LRRFIP1: variants seen among roughly 807,000 people sequenced by gnomAD.
LRRFIP1 encodes LRR binding FLII interacting protein 1.
LRRFIP1 carries 62 observed loss-of-function variants against 104.4 expected under a neutral mutation model. The ratio of observed to expected loss-of-function variants is 0.59; its 90% CI spans 0.48 to 0.73. LRRFIP1 has a LOEUF of 0.73. Ranked by LOEUF, LRRFIP1 falls within the 30% of genes least tolerant of loss-of-function variation. The pLI is 0.00. For missense variants in LRRFIP1, 796 were observed against 824.5 expected (o/e 0.97, Z 0.42); for synonymous variants, 300 against 299.0 (o/e 1.00, Z -0.03).
intron 2 of LRRFIP1, among the ~76,000 whole-genome samples, chr2:237,710,014 G>A (rs2093994505): frequency 2.0e-5 from 3 of 151,784 alleles, no homozygotes; most frequent in Admixed American, 2.0e-4. Context: ...CACCATGCCT[G>A]GCTAATTTTT....
At chr2:237,768,080 G>A (rs1005563113) in intron 19 of LRRFIP1, 6 of 152,164 alleles carry the variant, frequency 3.9e-5, no homozygotes, top group Admixed American at 2.0e-4. Flanking sequence ...TAAGTCTACC[G>A]GTGATGTGCC....
rs1241700455 is a variant in LRRFIP1 at position 237,772,942 on chromosome 2, A to G, written c.1704A>G (p.Gln568=). The G allele has an allele frequency of 2.5e-6, 4 of 1,611,510 alleles. No individual in the cohort carries two copies. Among genetic ancestry groups the G allele is most frequent in the East Asian group, 2.2e-5 (1 of 44,898 alleles). Residue 568 remains glutamine (Q), a synonymous_variant, in exon 22 of 24, where the codon CAA becomes CAG. Coordinates refer to ENST00000308482, the MANE Select transcript of LRRFIP1 (RefSeq NM_001137550.2). Reference sequence around the variant, plus strand: ...AGCAAGAGATAACTGCATTAGAACAAAATGTACGTGTAAGCAACAACGGGC... The same window carrying G: ...AGCAAGAGATAACTGCATTAGAACAGAATGTACGTGTAAGCAACAACGGGC... ...KSEQEITALE[Q]NVIRLESQVS...
At chr2:237,700,529 C>T (rs574097056) in intron 1 of LRRFIP1, among the ~76,000 whole-genome samples, 2 of 152,314 alleles carry the variant, frequency 1.3e-5, no homozygotes, top group East Asian at 3.9e-4. Context: ...ACGCTAAAAC[C>T]TGGAGGCGAA....
intron 19 of LRRFIP1, chr2:237,764,450 G>T: frequency 1.6e-6 from 2 of 1,229,654 alleles, no homozygotes; most frequent in Non-Finnish European, 2.0e-6. Context: ...TTTACTATTT[G>T]CCTTAGGCTG....
intron 1 of LRRFIP1, among the ~76,000 whole-genome samples, chr2:237,646,371 C>A (rs1025555433): frequency 1.3e-5 from 2 of 151,830 alleles, no homozygotes; most frequent in Admixed American, 6.6e-5. Flanking sequence ...GGTATTAAGC[C>A]CAGCATCCAT....
rs763208775 is a variant in LRRFIP1, at chr2:237,760,160, AAAG to A, written c.1419_1421del (p.Glu474del). On this transcript the variant is annotated inframe_deletion, in exon 19 of 24. Transcript: ENST00000308482. The stretch of plus-strand genomic sequence containing the variant: ...ATACCAAGGTCCTACCAAGATGACA[AAAG>A]AAGAGTTAAATGCCCTCAAGTCGAC... The A allele has an allele frequency of 1.2e-6, 2 of 1,614,136 alleles. No homozygotes were observed. Among genetic ancestry groups the A allele is most frequent in the Non-Finnish European group, 1.7e-6 (2 of 1,180,012 alleles).
At chr2:237,692,643 G>A in intron 1 of LRRFIP1, 1 of 1,274,450 alleles carries the variant, frequency 7.8e-7, no homozygotes, top group Non-Finnish European at 1.0e-6. Context: ...GGGCTCTGGC[G>A]GGACCCCAGC....
At position 237,774,378 on chromosome 2, in the gene LRRFIP1, A is replaced by C. The variant is rs763154992; in HGVS notation, c.1728A>C (p.Gln576His). ...LEQNVIRLESQVSRYKSAAEN... is the reference protein window; with the variant it reads ...LEQNVIRLESHVSRYKSAAEN... ...TTTAGGTAATAAGGTTAGAGAGTCA[A>C]GTATCACGTTACAAATCAGCGGCTG... Residue 576 changes from glutamine (Q) to histidine (H), a missense_variant, in exon 23 of 24, where the codon CAA (glutamine) becomes CAC (histidine). By Grantham distance (24) the Gln-to-His change is conservative. Transcript: ENST00000308482. 8 of 1,612,976 alleles carry C rather than the reference A, an allele frequency of 5.0e-6. No individual in the cohort carries two copies. Among genetic ancestry groups the C allele is most frequent in the Non-Finnish European group, 6.8e-6 (8 of 1,179,026 alleles).
chr2:237,775,210 A>T (rs1209734853), intron 23 of LRRFIP1, among the ~76,000 whole-genome samples: 4 of 152,234 alleles, frequency 2.6e-5, no homozygotes, highest in Admixed American at 1.3e-4. Context: ...TAGGTGGCCA[A>T]GGAAGACTTT....
Position 237,762,478 on chromosome 2 carries a change from C to T in LRRFIP1, c.1459+2273C>T, listed in dbSNP as rs1204555718. 4 of 789,668 alleles carry T rather than the reference C, an allele frequency of 5.1e-6. No individual in the cohort carries two copies. In the East Asian group the frequency reaches 1.1e-4, roughly 21 times the overall value. The allele number at this position is 789,668 out of a possible 1,614,324, so 48.9% of individuals were successfully genotyped here. A position where few individuals can be genotyped will look rare whatever the true frequency, so the allele number is the denominator to read the frequency against. ...ACTGGCAAAGGCTTGTTTCTCATGA[C>T]TCTTTGATGACTCTGTCTTTAGGAA... On this transcript the variant is annotated intron_variant, in intron 19 of 23. Coordinates refer to ENST00000308482, the MANE Select transcript of LRRFIP1 (RefSeq NM_001137550.2).
chr2:237,692,652 G>A, intron 1 of LRRFIP1: 2 of 1,236,278 alleles, frequency 1.6e-6, no homozygotes, highest in South Asian at 4.3e-5. Flanking sequence ...CGGGACCCCA[G>A]CGCGGTGGGA....
rs2089465668 is a variant in LRRFIP1 at position 237,666,920 on chromosome 2, C to CTTTCTTTCTTTCTTTCTTTCTT, written c.96+39182_96+39203dup. Reference sequence around the variant, plus strand: ...TTTTCCCTCCCTGCCTTCCTGCTTTCTTTCTTTCTTTCTTTCTTTCTTTCT... The same window carrying CTTTCTTTCTTTCTTTCTTTCTT: ...TTTTCCCTCCCTGCCTTCCTGCTTTCTTTCTTTCTTTCTTTCTTTCTTTTTCTTTCTTTCTTTCTTTCTTTCT... On this transcript the variant is annotated intron_variant, in intron 1 of 23. Transcript: ENST00000308482. 1.5e-3 allele frequency among the ~76,000 whole-genome samples: 7 copies of CTTTCTTTCTTTCTTTCTTTCTT among 4,660 alleles called. No individual in the cohort carries two copies. In the South Asian group the frequency reaches 0.028, roughly 19 times the overall value. 3.1% of individuals were successfully genotyped at this position (4,660 alleles called of 152,430 possible). A position where few individuals can be genotyped will look rare whatever the true frequency, so the allele number is the denominator to read the frequency against.
intron 19 of LRRFIP1, chr2:237,765,113 A>C (rs1205182116): frequency 5.6e-6 from 2 of 358,142 alleles, no homozygotes; most frequent in Non-Finnish European, 7.8e-6. Context: ...AATACAAAAA[A>C]TTGGCCGGGC....
At chr2:237,693,550 C>A (rs1459056465) in intron 1 of LRRFIP1, among the ~76,000 whole-genome samples, 1 of 152,148 alleles carries the variant, frequency 6.6e-6, no homozygotes, top group African/African-American at 2.4e-5. Flanking sequence ...TGGGCCAGCC[C>A]TCTGGAGCCG....
intron 11 of LRRFIP1, among the ~76,000 whole-genome samples, chr2:237,739,905 A>G (rs1031685441): frequency 2.0e-5 from 3 of 152,060 alleles, no homozygotes; most frequent in Admixed American, 6.6e-5. Flanking sequence ...AGGCGACCCT[A>G]TGACTCTTTT....
intron 23 of LRRFIP1, among the ~76,000 whole-genome samples, chr2:237,777,892 T>C (rs986254345): frequency 6.6e-6 from 1 of 152,178 alleles, no homozygotes; most frequent in Non-Finnish European, 1.5e-5. Flanking sequence ...TCCTTACCTC[T>C]CTCTATTGGA....
At position 237,735,410 on chromosome 2, in the gene LRRFIP1, G is replaced by T; in HGVS notation, c.555+77G>T. 7.2e-7 allele frequency: 1 copy of T among 1,379,326 alleles called. No homozygotes were observed. Among genetic ancestry groups the T allele is most frequent in the Non-Finnish European group, 9.8e-7 (1 of 1,016,110 alleles). 85.4% of individuals were successfully genotyped at this position (1,379,326 alleles called of 1,614,324 possible). A position where few individuals can be genotyped will look rare whatever the true frequency, so the allele number is the denominator to read the frequency against. ...GGGGATGCTCGCTGGGCAGGGTCCA[G>T]CCGTGGGGGGTGACTGGCCATTCTC... On this transcript the variant is annotated intron_variant, in intron 10 of 23. Transcript: ENST00000308482. The surrounding 1 kb of genome is among the most constrained non-coding windows in gnomAD (Gnocchi z 4.6).
At chr2:237,727,660 T>G (rs564824558) in intron 7 of LRRFIP1, among the ~76,000 whole-genome samples, 22 of 152,328 alleles carry the variant, frequency 1.4e-4, no homozygotes, top group African/African-American at 5.1e-4. Context: ...ACTGACTTGG[T>G]TAGCTTGACT....
intron 6 of LRRFIP1, among the ~76,000 whole-genome samples, chr2:237,722,773 C>T (rs1020524394): frequency 6.6e-6 from 1 of 152,220 alleles, no homozygotes; most frequent in East Asian, 1.9e-4. Context: ...AAGAGGCCTG[C>T]GTGGGGTCAC....
Sources: allele counts gnomAD v4.1 joint callset (sites outside exome capture counted in the v4.1 genomes callset), GRCh38; gene constraint gnomAD v4.1.1; non-coding constraint Gnocchi (gnomAD v3.1); transcripts MANE v1.5; gene names NCBI Gene and HGNC (gene_info 2026-07-23, HGNC 2026-07-21).